DCLK2: variants seen among roughly 807,000 people sequenced by gnomAD.
DCLK2 encodes the protein serine/threonine-protein kinase DCLK2.
DCLK2 carries 31 observed loss-of-function variants against 78.4 expected under a neutral mutation model. That is an observed-to-expected ratio of 0.40 (90% CI 0.30 to 0.53). The LOEUF (loss-of-function observed/expected upper bound fraction) is 0.53. DCLK2 is among the 20% of genes least tolerant of loss of function. The pLI is 0.61. For synonymous variants in DCLK2, 407 were observed against 374.9 expected, an observed-to-expected ratio of 1.09 and a Z score of -0.99; for missense variants, 872 against 973.7, an observed-to-expected ratio of 0.90 and a Z score of 1.39.
At chr4:150,203,322 G>T (rs764864769) in intron 4 of DCLK2, among the ~76,000 whole-genome samples, 11 of 152,166 alleles carry the variant, frequency 7.2e-5, no homozygotes, top group Non-Finnish European at 1.5e-4. Context: ...CTTAGAAAAT[G>T]TGTTTGTATT....
intron 2 of DCLK2, among the ~76,000 whole-genome samples, chr4:150,165,585 A>G (rs1736002800): frequency 6.6e-6 from 1 of 152,252 alleles, no homozygotes; most frequent in Non-Finnish European, 1.5e-5. Flanking sequence ...GCTGGAGGAG[A>G]GAACCTATTT....
chr4:150,137,225 G>C (rs1338211303), intron 2 of DCLK2, among the ~76,000 whole-genome samples: 1 of 152,066 alleles, frequency 6.6e-6, no homozygotes, highest in Admixed American at 6.6e-5. Context: ...GTAGGGTGGA[G>C]TTAGCTGGGA....
At chr4:150,176,099 T>C (rs1737070993) in intron 2 of DCLK2, among the ~76,000 whole-genome samples, 1 of 152,236 alleles carries the variant, frequency 6.6e-6, no homozygotes, top group African/African-American at 2.4e-5. Context: ...GAATCCTTGC[T>C]TCTGTGCTGT....
At chr4:150,134,955 T>G (rs1045786610) in intron 2 of DCLK2, among the ~76,000 whole-genome samples, 7 of 152,094 alleles carry the variant, frequency 4.6e-5, no homozygotes, top group African/African-American at 1.7e-4. Flanking sequence ...TTTAGATGAG[T>G]ATATGTTTTA....
chr4:150,180,725 C>T (rs927410715), intron 2 of DCLK2, among the ~76,000 whole-genome samples: 9 of 152,128 alleles, frequency 5.9e-5, no homozygotes, highest in African/African-American at 1.4e-4. Context: ...GGTCTCTTAC[C>T]CCTCTTTCTC....
chr4:150,151,335 T>G (rs570942223), intron 2 of DCLK2, among the ~76,000 whole-genome samples: 1 of 152,248 alleles, frequency 6.6e-6, no homozygotes, highest in South Asian at 2.1e-4. Context: ...TCAGTTTATC[T>G]AAGCCCATGG....
intron 1 of DCLK2, among the ~76,000 whole-genome samples, chr4:150,091,556 C>G (rs987225103): frequency 1.3e-5 from 2 of 152,090 alleles, no homozygotes; most frequent in Non-Finnish European, 2.9e-5. Flanking sequence ...GTCTCAGTGT[C>G]CAAATTTTAT....
intron 2 of DCLK2, among the ~76,000 whole-genome samples, chr4:150,121,170 G>T (rs1261207134): frequency 1.1e-5 from 1 of 92,582 alleles, no homozygotes. Flanking sequence ...TGATCAGGGT[G>T]GTGGTTGCTG....
intron 2 of DCLK2, among the ~76,000 whole-genome samples, chr4:150,191,385 G>A (rs1192686062): frequency 6.6e-6 from 1 of 152,038 alleles, no homozygotes; most frequent in Non-Finnish European, 1.5e-5. Flanking sequence ...AGTGGTGGAA[G>A]ATAGGTTAGC....
chr4:150,147,360 G>A (rs972163978), intron 2 of DCLK2, among the ~76,000 whole-genome samples: 3 of 152,156 alleles, frequency 2.0e-5, no homozygotes, highest in East Asian at 1.9e-4. Flanking sequence ...CAGCAAGTGG[G>A]AACTGATATT....
At chr4:150,092,195 T>C (rs1279702839) in intron 1 of DCLK2, among the ~76,000 whole-genome samples, 1 of 152,140 alleles carries the variant, frequency 6.6e-6, no homozygotes, top group Non-Finnish European at 1.5e-5. Flanking sequence ...ACATTTTCCT[T>C]ATCAGTTCAT....
chr4:150,143,203 A>G (rs57376312), intron 2 of DCLK2, among the ~76,000 whole-genome samples: 2,993 of 152,222 alleles, frequency 0.02, 79 homozygotes, highest in African/African-American at 0.065. Flanking sequence ...TATATATTCA[A>G]TTCCATAGTG....
intron 2 of DCLK2, among the ~76,000 whole-genome samples, chr4:150,136,979 CT>C (rs35729685): frequency 2.4e-3 from 195 of 82,402 alleles, no homozygotes; most frequent in African/African-American, 7.2e-3. Context: ...TCTTCTTCTT[CT>C]TTTTTTTTTT....
intron 2 of DCLK2, among the ~76,000 whole-genome samples, chr4:150,172,179 G>C (rs1736580929): frequency 6.6e-6 from 1 of 152,148 alleles, no homozygotes; most frequent in South Asian, 2.1e-4. Flanking sequence ...TAACCTAGTA[G>C]ATAATAGGAA....
chr4:150,210,916 C>G (rs1009792795), intron 5 of DCLK2, among the ~76,000 whole-genome samples: 1 of 147,398 alleles, frequency 6.8e-6, no homozygotes, highest in African/African-American at 2.5e-5. Flanking sequence ...CCATTGCACT[C>G]CAGCCTGGGT....
At chr4:150,088,604 A>C (rs555081003) in intron 1 of DCLK2, among the ~76,000 whole-genome samples, 1 of 152,096 alleles carries the variant, frequency 6.6e-6, no homozygotes, top group East Asian at 1.9e-4. Flanking sequence ...CACCCTTCAG[A>C]TGTTTTGAGA....
intron 2 of DCLK2, among the ~76,000 whole-genome samples, chr4:150,184,575 T>G (rs1470407683): frequency 1.4e-5 from 2 of 146,484 alleles, no homozygotes; most frequent in African/African-American, 5.1e-5. Context: ...GGTGTCAGTC[T>G]TGTGTTTCTT....
At chr4:150,118,017 A>G (rs575802428) in intron 2 of DCLK2, among the ~76,000 whole-genome samples, 2 of 152,274 alleles carry the variant, frequency 1.3e-5, no homozygotes, top group African/African-American at 4.8e-5. Context: ...AATTGAGGCC[A>G]AAAAATTCAA....
rs552302947 is a variant in DCLK2 at position 150,198,082 on chromosome 4, C to G, written c.940C>G (p.Arg314Gly). 2 of 1,613,448 alleles carry G rather than the reference C, an allele frequency of 1.2e-6. No individual in the cohort carries two copies. Among genetic ancestry groups the G allele is most frequent in the Non-Finnish European group, 1.7e-6 (2 of 1,179,760 alleles). Residue 314 changes from arginine to glycine, a missense_variant, in exon 4 of 16, where the codon CGC becomes GGC. This residue lies in a region of DCLK2 where 567 missense variants were observed against 593.4 expected (regional missense o/e 0.96). Transcript: ENST00000296550. ...SGSKSPGPSR[R>G]SKSPASVNGT... The stretch of plus-strand genomic sequence containing the variant: ...ATCCAAAAGCCCTGGGCCCTCTCGA[C>G]GCAGCAAATCACCAGCTTCAGGTAG...
Sources: allele counts gnomAD v4.1 joint callset (sites outside exome capture counted in the v4.1 genomes callset), GRCh38; gene constraint gnomAD v4.1.1; regional missense constraint gnomAD v4.1.1; transcripts MANE v1.5; gene names NCBI Gene and HGNC (gene_info 2026-07-23, HGNC 2026-07-21).